The following CASP4 variants were observed in gnomAD, a reference collection of about 807,000 sequenced individuals.
CASP4 encodes the protein caspase 4, also known as caspase-4.
Under a neutral mutation model 41.3 loss-of-function variants are expected in CASP4, and 29 were observed. The observed-to-expected ratio is 0.70, with a 90% CI of 0.52 to 0.96. CASP4 has a LOEUF of 0.96. CASP4 is among the 40% of genes least tolerant of loss of function. The probability of loss-of-function intolerance (pLI) is 0.00; values close to 1 mark genes in which losing one functional copy is unlikely to be tolerated. For missense variants in CASP4, 447 were observed against 460.6 expected (o/e 0.97, Z 0.27); for synonymous variants, 185 against 158.4 (o/e 1.17, Z -1.26).
intron 1 of CASP4, 97 bp downstream of exon 1, chr11:104,968,422 C>G (rs1861022376): frequency 9.3e-7 from 1 of 1,071,118 alleles, no homozygotes; most frequent in South Asian, 1.3e-5. Context: ...AACATGTGTG[C>G]TATCGGCTCA....
Position 104,949,543 on chromosome 11 carries a change from C to A in CASP4, c.781G>T (p.Ala261Ser). Residue 261 changes from alanine to serine, a missense_variant and splice_region_variant, in exon 5 of 9, where the codon GCA becomes TCA. Transcript: ENST00000444739. ...KVIIVQACRG[A>S]NRGELWVRDS... The stretch of plus-strand genomic sequence containing the variant: ...TTAGATGTTCAGTCTCAGCACTCAC[C>A]ACCTCTGCAGGCCTGGACAATGATG... 6.2e-7 allele frequency: 1 copy of A among 1,613,764 alleles called. No homozygotes were observed. The highest frequency in any genetic ancestry group is 2.2e-5 in the East Asian group (1 of 44,874).
intron 1 of CASP4, among the ~76,000 whole-genome samples, chr11:104,961,569 G>A (rs1466365403): frequency 2.0e-5 from 3 of 152,174 alleles, no homozygotes; most frequent in Non-Finnish European, 2.9e-5. Context: ...TATCTGTTCG[G>A]CTCCACTGGG....
At chr11:104,951,277 T>C (rs1860606521) in intron 3 of CASP4, 179 bp from the exon 4 acceptor site, 5 of 479,896 alleles carry the variant, frequency 1.0e-5, no homozygotes, top group Non-Finnish European at 1.8e-5. Flanking sequence ...ATATCTGAAA[T>C]TGTTATTAAG....
rs1266482217 is a variant in CASP4 at position 104,951,039 on chromosome 11, T to G, written c.432A>C (p.Thr144=). The G allele has an allele frequency of 6.2e-7, 1 of 1,613,514 alleles. No homozygotes were observed. The highest frequency in any genetic ancestry group is 2.2e-5 in the East Asian group (1 of 44,872). The change falls in exon 4 of 9, where the codon ACA becomes ACC. Residue 144 remains threonine, a synonymous_variant. Coordinates refer to ENST00000444739, the MANE Select transcript of CASP4 (RefSeq NM_001225.4). The stretch of plus-strand genomic sequence containing the variant: ...TCCTCGGAGGCAGATGGTCAAACTC[T>G]GTATTGCATATGATGAGAGCCAGGC... ...RTRLALIICN[T]EFDHLPPRNG... is the part of the protein sequence containing the mutation.
intron 1 of CASP4, among the ~76,000 whole-genome samples, chr11:104,959,382 T>C (rs7949293): frequency 0.17 from 25,423 of 152,080 alleles, 2,436 homozygotes; most frequent in African/African-American, 0.25. Flanking sequence ...ACATAGACTC[T>C]AAACAGGTTA....
At chr11:104,950,489 C>T (rs1860580428) in intron 4 of CASP4, among the ~76,000 whole-genome samples, 1 of 152,126 alleles carries the variant, frequency 6.6e-6, no homozygotes, top group Non-Finnish European at 1.5e-5. Flanking sequence ...TTTCTCTCTA[C>T]TGTAACCTAG....
At position 104,954,876 on chromosome 11, in the gene CASP4, ATT is replaced by A. The variant is rs1565367073; in HGVS notation, c.131_132del (p.Lys44IlefsTer5). The A allele has an allele frequency of 1.2e-6, 2 of 1,613,738 alleles. No homozygotes were observed. Among genetic ancestry groups the A allele is most frequent in the Admixed American group, 1.7e-5 (1 of 59,952 alleles). Reference protein sequence around the residue: ...VLNWKEEEKKKYYDAKTEDKV... With the variant: ...VLNWKEEEKKXYYDAKTEDKV... ...TTGTCTTCAGTTTTAGCATCGTAAT[ATT>A]TCTTTTTTTCCTCTTCCTTCCAGTT... On this transcript the variant is annotated frameshift_variant, in exon 2 of 9. Transcript: ENST00000444739. LOFTEE classifies it high-confidence loss of function.
chr11:104,953,922 CA>C (rs1860675600), intron 2 of CASP4, among the ~76,000 whole-genome samples: 2 of 152,150 alleles, frequency 1.3e-5, no homozygotes, highest in Admixed American at 1.3e-4. Context: ...AGTAAGTAAG[CA>C]CTGGAAAAGT....
intron 3 of CASP4, chr11:104,951,342 A>C: frequency 2.9e-6 from 1 of 348,402 alleles, no homozygotes; most frequent in Non-Finnish European, 5.2e-6. Context: ...TTTCTTCTTC[A>C]CCTACTCCAA....
intron 1 of CASP4, among the ~76,000 whole-genome samples, chr11:104,956,399 C>G (rs576012813): frequency 6.6e-6 from 1 of 152,012 alleles, no homozygotes; most frequent in African/African-American, 2.4e-5. Flanking sequence ...CCTCATCATG[C>G]CAAGTGCATT....
At chr11:104,947,002 A>T in intron 7 of CASP4, 81 bp downstream of exon 7, 1 of 976,870 alleles carries the variant, frequency 1.0e-6, no homozygotes, top group Middle Eastern at 2.1e-4. Flanking sequence ...CCTGACAAAA[A>T]TTGTCATTGT....
In CASP4 at chr11:104,949,592, G is replaced by C; in HGVS notation, c.732C>G (p.Leu244=). The C allele has an allele frequency of 6.2e-7, 1 of 1,613,968 alleles. No homozygotes were observed. The highest frequency in any genetic ancestry group is 1.3e-5 in the African/African-American group (1 of 75,036). ...TGACCTTGGGTTTGTCCTTCAGACT[G>C]AGGCAGTTGCGGTTGTTGAATATCT... ...IFQIFNNRNC[L]SLKDKPKVII... The change falls in exon 5 of 9, where the codon CTC becomes CTG. Residue 244 remains leucine, a synonymous_variant. Coordinates refer to ENST00000444739, the MANE Select transcript of CASP4 (RefSeq NM_001225.4).
At chr11:104,947,375 G>T in intron 6 of CASP4, 183 bp from the exon 7 acceptor site, 1 of 388,804 alleles carries the variant, frequency 2.6e-6, no homozygotes, top group Admixed American at 4.4e-5. Flanking sequence ...AGAAAACCTA[G>T]CAAAAGGTGA....
chr11:104,949,401 C>G (rs910758930), intron 5 of CASP4, 142 bp downstream of exon 5: 20 of 867,790 alleles, frequency 2.3e-5, no homozygotes, highest in Non-Finnish European at 1.3e-5. Context: ...ATACCAGACC[C>G]TTAGGTAGAG....
chr11:104,954,895 C>T lies in CASP4; in HGVS notation c.114G>A (p.Lys38=). The part of the protein sequence containing the change: ...NLVEQNVLNW[K]EEEKKKYYDA... ...CGTAATATTTCTTTTTTTCCTCTTC[C>T]TTCCAGTTCAGTACATTTTGTTCCA... Residue 38 remains lysine (K), a synonymous_variant, in exon 2 of 9, where the codon AAG becomes AAA. Coordinates refer to ENST00000444739, the MANE Select transcript of CASP4 (RefSeq NM_001225.4). 1 of 1,613,718 alleles carries T rather than the reference C, an allele frequency of 6.2e-7. No individual in the cohort carries two copies. The highest frequency in any genetic ancestry group is 8.5e-7 in the Non-Finnish European group (1 of 1,179,770).
chr11:104,949,886 T>C (rs1860565917), intron 4 of CASP4, 109 bp from the exon 5 acceptor site: 1 of 1,015,482 alleles, frequency 9.8e-7, no homozygotes, highest in African/African-American at 1.6e-5. Context: ...CAGGTCGTGG[T>C]GCTTCACTTA....
chr11:104,955,247 A>G (rs56049829), intron 1 of CASP4, among the ~76,000 whole-genome samples: 1,792 of 150,946 alleles, frequency 0.012, 33 homozygotes, highest in African/African-American at 0.04. Context: ...TTAGCTTCTC[A>G]ACTTCCTTCT....
At chr11:104,957,917 T>C (rs564410378) in intron 1 of CASP4, among the ~76,000 whole-genome samples, 1 of 152,166 alleles carries the variant, frequency 6.6e-6, no homozygotes, top group African/African-American at 2.4e-5. Flanking sequence ...GTCATCAAAA[T>C]AGCACAATAG....
chr11:104,962,336 T>C (rs1860879386), intron 1 of CASP4, among the ~76,000 whole-genome samples: 1 of 152,204 alleles, frequency 6.6e-6, no homozygotes, highest in South Asian at 2.1e-4. Flanking sequence ...GGTCTCTCTC[T>C]CTTTCTCCAT....
Sources: gnomAD v4.1 joint callset for allele counts (sites outside exome capture counted in the v4.1 genomes callset) on GRCh38, gnomAD v4.1.1 for gene constraint, MANE v1.5 for transcripts, NCBI Gene and HGNC (gene_info 2026-07-23, HGNC 2026-07-21) for gene names.